CTNNA3: variants seen among roughly 807,000 people sequenced by gnomAD.
CTNNA3 encodes the protein catenin alpha-3.
Under a neutral mutation model 95.7 loss-of-function variants are expected in CTNNA3, and 76 were observed. The ratio of observed to expected loss-of-function variants is 0.79; its 90% CI spans 0.66 to 0.96. CTNNA3 has a LOEUF of 0.96. CTNNA3 is among the 40% of genes least tolerant of loss of function. The probability of loss-of-function intolerance (pLI) is 0.00; values close to 1 mark genes in which losing one functional copy is unlikely to be tolerated. For synonymous variants in CTNNA3, 431 were observed against 374.4 expected (o/e 1.15, Z -1.74); for missense variants, 1,191 against 1,089.8 (o/e 1.09, Z -1.31).
chr10:67,208,223 A>AC lies in CTNNA3; in HGVS notation c.843+11383_843+11384insG, dbSNP rs202247571. 6.6e-3 allele frequency among the ~76,000 whole-genome samples: 921 copies of AC among 139,136 alleles called. 4 individuals carry two copies. Among genetic ancestry groups the AC allele is most frequent in the South Asian group, 0.021 (83 of 4,000 alleles). 91.3% of individuals were successfully genotyped at this position (139,136 alleles called of 152,430 possible). A position where few individuals can be genotyped will look rare whatever the true frequency, so the allele number is the denominator to read the frequency against. On this transcript the variant is annotated intron_variant, in intron 6 of 17. Transcript: ENST00000433211. ...ACGTCTCTACTAAAAACACACACAC[A>AC]AAAAAAATTAGCTGGGCCTGGTGGC... is the stretch of plus-strand genomic sequence containing the variant.
At chr10:67,528,588 C>T (rs1840220211) in intron 4 of CTNNA3, among the ~76,000 whole-genome samples, 1 of 152,200 alleles carries the variant, frequency 6.6e-6, no homozygotes, top group Admixed American at 6.5e-5. Flanking sequence ...ACACAGTATT[C>T]ATTTAACATA....
Position 66,189,409 on chromosome 10 carries a change from A to G in CTNNA3, c.1885-86160T>C, listed in dbSNP as rs533439935. Among the ~76,000 whole-genome samples the G allele has an allele frequency of 8.2e-4, 125 of 151,618 alleles. 2 individuals carry two copies. Among genetic ancestry groups the G allele is most frequent in the African/African-American group, 2.9e-3 (120 of 41,328 alleles). Reference sequence around the variant, plus strand: ...TGATTTTGTGTATAGTATGAGTCCAATTTCATTCTTTTGCATATGGATATT... The same window carrying G: ...TGATTTTGTGTATAGTATGAGTCCAGTTTCATTCTTTTGCATATGGATATT... On this transcript the variant is annotated intron_variant, in intron 13 of 17. Transcript: ENST00000433211.
chr10:66,749,202 C>CAAAAAAAAA (rs35568730), intron 9 of CTNNA3, among the ~76,000 whole-genome samples: 75 of 50,870 alleles, frequency 1.5e-3, no homozygotes, highest in African/African-American at 4.0e-3. Flanking sequence ...AACTCCAACT[C>CAAAAAAAAA]AAAAAAAAAA....
At chr10:67,019,482 T>C (rs895378979) in intron 7 of CTNNA3, among the ~76,000 whole-genome samples, 6 of 152,174 alleles carry the variant, frequency 3.9e-5, no homozygotes, top group African/African-American at 1.4e-4. Flanking sequence ...CCTCCCAAAG[T>C]GCTAGGATTA....
chr10:66,346,236 TATATATATATAGAGAGAGAGAGAG>T (rs1427903456), intron 12 of CTNNA3, among the ~76,000 whole-genome samples: 112 of 24,964 alleles, frequency 4.5e-3, no homozygotes, highest in African/African-American at 0.017. Flanking sequence ...TATATATATA[TATATATATATAGAGAGAGAGAGAG>T]AGAGAGAGAG....
At chr10:67,715,418 C>G (rs897909148) in intron 1 of CTNNA3, among the ~76,000 whole-genome samples, 1 of 152,134 alleles carries the variant, frequency 6.6e-6, no homozygotes. Context: ...ATGAGAAGAA[C>G]TGACCAAATG....
chr10:66,859,018 A>G (rs930747862), intron 7 of CTNNA3, among the ~76,000 whole-genome samples: 5 of 152,106 alleles, frequency 3.3e-5, no homozygotes, highest in Non-Finnish European at 7.4e-5. Context: ...ATGTTTCAAT[A>G]GTCCTACAAT....
intron 7 of CTNNA3, among the ~76,000 whole-genome samples, chr10:66,805,097 T>C (rs928108727): frequency 2.6e-5 from 4 of 152,130 alleles, no homozygotes; most frequent in Admixed American, 1.3e-4. Context: ...TGATAACATT[T>C]CACACGTGTC....
chr10:66,335,001 C>T (rs865831193), intron 12 of CTNNA3, among the ~76,000 whole-genome samples: 1 of 152,056 alleles, frequency 6.6e-6, no homozygotes, highest in Admixed American at 6.5e-5. Flanking sequence ...CACTGATACC[C>T]TTTCTTCCAG....
intron 1 of CTNNA3, among the ~76,000 whole-genome samples, chr10:67,702,488 A>C (rs1426712146): frequency 6.6e-6 from 1 of 152,242 alleles, no homozygotes; most frequent in Non-Finnish European, 1.5e-5. Flanking sequence ...AAAACCGCTC[A>C]ACTACATGGA....
intron 7 of CTNNA3, among the ~76,000 whole-genome samples, chr10:66,840,349 C>G (rs1589316862): frequency 8.2e-6 from 1 of 122,050 alleles, no homozygotes; most frequent in Non-Finnish European, 1.6e-5. Context: ...CTCTCTCTCT[C>G]TCTCTCTCTC....
chr10:67,259,652 A>C (rs1866514465), intron 5 of CTNNA3, among the ~76,000 whole-genome samples: 1 of 152,142 alleles, frequency 6.6e-6, no homozygotes, highest in Non-Finnish European at 1.5e-5. Flanking sequence ...TGCCTACTTC[A>C]TGACTATTTT....
intron 12 of CTNNA3, among the ~76,000 whole-genome samples, chr10:66,327,456 A>G (rs1298381545): frequency 6.6e-6 from 1 of 152,080 alleles, no homozygotes; most frequent in Non-Finnish European, 1.5e-5. Context: ...ATCACTACCC[A>G]TGCTAAAATA....
At chr10:66,645,256 G>A (rs1165943236) in intron 9 of CTNNA3, among the ~76,000 whole-genome samples, 1 of 151,722 alleles carries the variant, frequency 6.6e-6, no homozygotes, top group Non-Finnish European at 1.5e-5. Context: ...TCATGATTGT[G>A]GTATCAAGGA....
At chr10:66,665,212 C>T (rs1253284317) in intron 9 of CTNNA3, among the ~76,000 whole-genome samples, 2 of 83,138 alleles carry the variant, frequency 2.4e-5, no homozygotes, top group Non-Finnish European at 4.5e-5. Context: ...GTTAATGAAG[C>T]TTACTTCAGC....
intron 12 of CTNNA3, among the ~76,000 whole-genome samples, chr10:66,338,013 AT>A (rs1326994820): frequency 2.0e-5 from 3 of 152,076 alleles, no homozygotes; most frequent in Admixed American, 6.5e-5. Context: ...TGATAACAGC[AT>A]TATTTATAAG....
At position 66,311,522 on chromosome 10, in the gene CTNNA3, A is replaced by G. The variant is rs2092020944; in HGVS notation, c.1733-30901T>C. Among the ~76,000 whole-genome samples the G allele has an allele frequency of 2.0e-5, 3 of 152,214 alleles. No homozygotes were observed. In the South Asian group the frequency reaches 6.2e-4, roughly 31 times the overall value. On this transcript the variant is annotated intron_variant, in intron 12 of 17. Coordinates refer to ENST00000433211, the MANE Select transcript of CTNNA3 (RefSeq NM_013266.4). ...CATGACAGTGATCCAAACAGCCACA[A>G]GAATAAGCAGTCCTAACAGTAGCAT...
At chr10:66,309,611 G>A (rs922806985) in intron 12 of CTNNA3, among the ~76,000 whole-genome samples, 7 of 147,072 alleles carry the variant, frequency 4.8e-5, no homozygotes, top group Admixed American at 2.9e-4. Context: ...GTGTGAACCC[G>A]GGAGGCGGAG....
intron 14 of CTNNA3, among the ~76,000 whole-genome samples, chr10:66,082,943 A>G (rs185852267): frequency 3.2e-4 from 49 of 152,214 alleles, no homozygotes; most frequent in African/African-American, 1.1e-3. Context: ...TGTCATATAT[A>G]TATTCATCCA....
Sources: allele counts gnomAD v4.1 joint callset (sites outside exome capture counted in the v4.1 genomes callset), GRCh38; gene constraint gnomAD v4.1.1; transcripts MANE v1.5; gene names NCBI Gene and HGNC (gene_info 2026-07-23, HGNC 2026-07-21).